Variants in UST observed in about 807,000 individuals in gnomAD.
UST encodes chondroitin sulfate 2-O-sulfotransferase.
UST carries 21 observed loss-of-function variants against 45.6 expected under a neutral mutation model. The ratio of observed to expected loss-of-function variants is 0.46; its 90% confidence interval spans 0.33 to 0.66. UST has a LOEUF of 0.66. UST is among the 30% of genes least tolerant of loss of function. The pLI, the probability that UST is intolerant of heterozygous loss-of-function variation, is 0.02. For missense variants in UST, 463 were observed against 512.4 expected, an observed-to-expected ratio of 0.90 and a Z score of 0.93; for synonymous variants, 215 against 200.6, an observed-to-expected ratio of 1.07 and a Z score of -0.61.
intron 2 of UST, among the ~76,000 whole-genome samples, chr6:148,903,545 A>G (rs1277410412): frequency 6.6e-6 from 1 of 152,228 alleles, no homozygotes; most frequent in African/African-American, 2.4e-5. Context: ...ACTCAGGAAC[A>G]TGTGCTGAAT....
chr6:149,074,050 C>T lies in UST; in HGVS notation c.1155C>T (p.Thr385=), dbSNP rs140794916. 1.2e-5 allele frequency: 20 copies of T among 1,614,058 alleles called. No individual in the cohort carries two copies. The highest frequency in any genetic ancestry group is 8.0e-5 in the African/African-American group (6 of 74,926). Residue 385 remains threonine (T), a synonymous_variant, in exon 8 of 8, where the codon ACC becomes ACT. Transcript: ENST00000367463. Reference sequence around the variant, plus strand: ...TCTTTATCCCAACTCCACTGGAAACCGAGGAGCCAATCGACGATGAAGAAC... The same window carrying T: ...TCTTTATCCCAACTCCACTGGAAACTGAGGAGCCAATCGACGATGAAGAAC... ...PHFFIPTPLE[T]EEPIDDEEQD... is the part of the protein sequence containing the mutation.
rs571742111 is a variant in UST, at chr6:149,017,374, CA to C, written c.682-1754del. Among the ~76,000 whole-genome samples, 180 of 130,722 alleles carry C rather than the reference CA, an allele frequency of 1.4e-3. 1 individual carries two copies. Among genetic ancestry groups the C allele is most frequent in the Middle Eastern group, 3.9e-3 (1 of 254 alleles). 85.8% of individuals were successfully genotyped at this position (130,722 alleles called of 152,430 possible). On this transcript the variant is annotated intron_variant, in intron 5 of 7. Coordinates refer to ENST00000367463, the MANE Select transcript of UST (RefSeq NM_005715.3). ...CCTGGGGGACAGCAAGACTCTGTCTCAAAAAAAAAAACAAAAAAAGTAAGAT... is the reference window on the plus strand; with the variant it reads ...CCTGGGGGACAGCAAGACTCTGTCTCAAAAAAAAAACAAAAAAAGTAAGAT...
At chr6:149,015,321 G>A (rs895340853) in intron 5 of UST, among the ~76,000 whole-genome samples, 7 of 152,210 alleles carry the variant, frequency 4.6e-5, no homozygotes, top group African/African-American at 1.2e-4. Flanking sequence ...ATTAATTTTT[G>A]TACAGTGTTG....
intron 5 of UST, among the ~76,000 whole-genome samples, chr6:149,017,572 C>T (rs972454816): frequency 3.3e-5 from 5 of 151,880 alleles, no homozygotes; most frequent in Non-Finnish European, 7.4e-5. Context: ...TATTGTCCTA[C>T]ATGTTTATAT....
At chr6:148,830,832 T>A (rs571799927) in intron 1 of UST, among the ~76,000 whole-genome samples, 3 of 152,226 alleles carry the variant, frequency 2.0e-5, no homozygotes, top group South Asian at 4.1e-4. Flanking sequence ...TATTGTGTAA[T>A]GTGTAGAGTT....
At chr6:148,774,270 T>TTA (rs10568450) in intron 1 of UST, among the ~76,000 whole-genome samples, 16,448 of 127,722 alleles carry the variant, frequency 0.13, 1,130 homozygotes, top group African/African-American at 0.21. Flanking sequence ...CAAGGTTATT[T>TTA]TATATATATA....
intron 1 of UST, among the ~76,000 whole-genome samples, chr6:148,880,098 G>A (rs1319643712): frequency 1.3e-5 from 2 of 152,012 alleles, no homozygotes; most frequent in East Asian, 3.9e-4. Context: ...GGGATTACAG[G>A]TACCCACCAC....
At chr6:148,895,757 G>T (rs1222860973) in intron 2 of UST, among the ~76,000 whole-genome samples, 12 of 152,206 alleles carry the variant, frequency 7.9e-5, no homozygotes, top group Non-Finnish European at 1.6e-4. Flanking sequence ...TTCACCTTCA[G>T]CCATGATCGT....
At chr6:148,810,417 C>A (rs924000162) in intron 1 of UST, among the ~76,000 whole-genome samples, 3 of 152,194 alleles carry the variant, frequency 2.0e-5, no homozygotes, top group African/African-American at 7.2e-5. Context: ...TTAAGTTTGT[C>A]TTTTCCTATG....
At chr6:148,972,137 A>T (rs892097043) in intron 5 of UST, among the ~76,000 whole-genome samples, 11 of 152,214 alleles carry the variant, frequency 7.2e-5, no homozygotes, top group Non-Finnish European at 8.8e-5. Flanking sequence ...ACCAAGAAGG[A>T]GATATTAATA....
chr6:148,766,784 A>G (rs1776332849), intron 1 of UST, among the ~76,000 whole-genome samples: 1 of 152,212 alleles, frequency 6.6e-6, no homozygotes, highest in South Asian at 2.1e-4. Flanking sequence ...TGTATGTGTT[A>G]AAAGCTCCAT....
At chr6:148,911,209 C>A (rs1221253587) in intron 2 of UST, among the ~76,000 whole-genome samples, 1 of 152,166 alleles carries the variant, frequency 6.6e-6, no homozygotes, top group Non-Finnish European at 1.5e-5. Context: ...CTGAGAAGGT[C>A]ACTCAGTCAT....
chr6:148,845,467 C>T (rs1490783186), intron 1 of UST, among the ~76,000 whole-genome samples: 2 of 152,116 alleles, frequency 1.3e-5, no homozygotes, highest in African/African-American at 4.8e-5. Context: ...AGCAGTATTC[C>T]ATTTCATGAA....
intron 1 of UST, among the ~76,000 whole-genome samples, chr6:148,884,232 G>A (rs1442837344): frequency 6.6e-6 from 1 of 152,106 alleles, no homozygotes. Flanking sequence ...TAAGATTTTG[G>A]TATAAAGAGT....
chr6:148,879,454 A>G (rs1778783073), intron 1 of UST, among the ~76,000 whole-genome samples: 1 of 152,252 alleles, frequency 6.6e-6, no homozygotes, highest in Non-Finnish European at 1.5e-5. Flanking sequence ...AGTGGCTCTC[A>G]ACCTTGGCTA....
intron 2 of UST, 25 bp downstream of exon 2, chr6:148,887,054 G>A: frequency 6.3e-7 from 1 of 1,599,216 alleles, no homozygotes; most frequent in Non-Finnish European, 8.6e-7. Flanking sequence ...TGTGATATAA[G>A]TCCCCTTTTT....
chr6:148,858,325 G>T (rs1029164091), intron 1 of UST, among the ~76,000 whole-genome samples: 9 of 152,096 alleles, frequency 5.9e-5, no homozygotes, highest in Non-Finnish European at 8.8e-5. Flanking sequence ...TCCAAAAGCT[G>T]AAGAACTTGG....
chr6:148,767,735 A>G (rs1428734437), intron 1 of UST, among the ~76,000 whole-genome samples: 1 of 152,250 alleles, frequency 6.6e-6, no homozygotes, highest in East Asian at 1.9e-4. Context: ...GGATACAGGA[A>G]AAAAGCACAA....
intron 1 of UST, among the ~76,000 whole-genome samples, chr6:148,831,596 C>A (rs1777688358): frequency 6.6e-6 from 1 of 152,100 alleles, no homozygotes; most frequent in South Asian, 2.1e-4. Context: ...CTAACAGTAA[C>A]CCTCAGAGAT....
Sources: allele counts gnomAD v4.1 joint callset (sites outside exome capture counted in the v4.1 genomes callset), GRCh38; gene constraint gnomAD v4.1.1; transcripts MANE v1.5; gene names NCBI Gene and HGNC (gene_info 2026-07-23, HGNC 2026-07-21).